Variants in RLIG1 observed in about 807,000 individuals in gnomAD.
RLIG1 encodes the protein RNA 5'-phosphate and 3'-OH ligase 1.
the RLIG1 span, chr12:88,049,666 T>C: frequency 2.2e-4 from 67 of 308,512 alleles, no homozygotes; most frequent in Admixed American, 2.3e-3. Context: ...TCATCTCTTA[T>C]AATGGGACTT....
chr12:88,048,380 T>A, the RLIG1 span: 4 of 1,577,238 alleles, frequency 2.5e-6, no homozygotes, highest in Non-Finnish European at 2.6e-6. Context: ...AAATAGATAA[T>A]CAGAAATTTG....
chr12:88,039,364 G>A, the RLIG1 span, among the ~76,000 whole-genome samples: 1 of 152,036 alleles, frequency 6.6e-6, no homozygotes, highest in Non-Finnish European at 1.5e-5. Flanking sequence ...CAGGGGGAAA[G>A]TCTCATGTAC....
the RLIG1 span, among the ~76,000 whole-genome samples, chr12:88,038,795 CTGTTA>C: frequency 6.6e-6 from 1 of 152,098 alleles, no homozygotes; most frequent in East Asian, 1.9e-4. Context: ...AGTCTGTGAT[CTGTTA>C]TGTTTAGACA....
chr12:88,042,570 A>G, the RLIG1 span: 2 of 266,220 alleles, frequency 7.5e-6, no homozygotes, highest in Non-Finnish European at 1.4e-5. Flanking sequence ...AACTCATACA[A>G]TATGACTATG....
the RLIG1 span, chr12:88,045,405 T>TA: frequency 3.4e-6 from 2 of 579,894 alleles, no homozygotes; most frequent in Admixed American, 3.3e-5. Context: ...AATGAACCCT[T>TA]ATGATTTTTT....
At chr12:88,049,295 C>T in the RLIG1 span, 1 of 1,604,648 alleles carries the variant, frequency 6.2e-7, no homozygotes, top group Non-Finnish European at 8.5e-7. Flanking sequence ...TTTTTACCTT[C>T]TCTTCTAAGA....
the RLIG1 span, chr12:88,045,831 G>A: frequency 6.9e-7 from 1 of 1,441,322 alleles, no homozygotes; most frequent in Non-Finnish European, 9.6e-7. Flanking sequence ...TTTATAAAGA[G>A]AACTTTCTAG....
At chr12:88,049,337 A>ATACTT in the RLIG1 span, 1 of 1,583,484 alleles carries the variant, frequency 6.3e-7, no homozygotes, top group South Asian at 1.2e-5. Flanking sequence ...CCTTGTAATT[A>ATACTT]TACTTAAGAT....
the RLIG1 span, chr12:88,035,886 G>C: frequency 6.6e-7 from 1 of 1,507,290 alleles, no homozygotes; most frequent in African/African-American, 1.4e-5. Flanking sequence ...GGAGGTCTGG[G>C]GTGGGAGTTC....
the RLIG1 span, among the ~76,000 whole-genome samples, chr12:88,036,383 A>C: frequency 6.6e-6 from 1 of 152,172 alleles, no homozygotes; most frequent in Non-Finnish European, 1.5e-5. Context: ...GATCAGTAGA[A>C]TCCCCAGTGA....
chr12:88,044,053 C>T, the RLIG1 span: 3 of 258,444 alleles, frequency 1.2e-5, no homozygotes, highest in Non-Finnish European at 1.5e-5. Flanking sequence ...GGGTGGATTG[C>T]TTGAGCCTAG....
At chr12:88,037,616 A>C in the RLIG1 span, among the ~76,000 whole-genome samples, 1 of 152,200 alleles carries the variant, frequency 6.6e-6, no homozygotes, top group Non-Finnish European at 1.5e-5. Flanking sequence ...TGAAACCAGC[A>C]TCATAAGTTA....
chr12:88,035,750 C>A, the RLIG1 span: 1 of 1,584,050 alleles, frequency 6.3e-7, no homozygotes, highest in Non-Finnish European at 8.6e-7. Flanking sequence ...TACGGAGGAG[C>A]GCCGGGCAGG....
the RLIG1 span, chr12:88,049,167 A>G: frequency 6.9e-7 from 1 of 1,450,556 alleles, no homozygotes; most frequent in South Asian, 1.3e-5. Flanking sequence ...AAATGAAACA[A>G]AGTTTATAGG....
the RLIG1 span, among the ~76,000 whole-genome samples, chr12:88,047,287 C>T: frequency 2.0e-5 from 3 of 152,030 alleles, no homozygotes; most frequent in Admixed American, 6.6e-5. Context: ...TCAGCATCTC[C>T]CAGACTTGAG....
chr12:88,042,803 C>A, the RLIG1 span: 13 of 1,439,132 alleles, frequency 9.0e-6, no homozygotes, highest in Non-Finnish European at 1.2e-5. Flanking sequence ...TCATACTTTT[C>A]CTTTTGTTAT....
At chr12:88,047,916 G>A in the RLIG1 span, among the ~76,000 whole-genome samples, 2 of 152,076 alleles carry the variant, frequency 1.3e-5, no homozygotes, top group African/African-American at 4.8e-5. Context: ...CAGGTAGCTA[G>A]TCTGTACTCA....
the RLIG1 span, chr12:88,036,132 A>AT: frequency 7.8e-7 from 1 of 1,276,026 alleles, no homozygotes; most frequent in African/African-American, 1.5e-5. Context: ...AAGGGTGGAT[A>AT]TTAGAAGACT....
the RLIG1 span, chr12:88,035,787 C>T: frequency 4.5e-6 from 7 of 1,555,122 alleles, no homozygotes; most frequent in African/African-American, 1.4e-5. Context: ...GGCTCCTCCC[C>T]GCGGCGCTGG....
Sources: gnomAD v4.1 joint callset for allele counts (sites outside exome capture counted in the v4.1 genomes callset) on GRCh38, gnomAD v4.1.1 for gene constraint, MANE v1.5 for transcripts, NCBI Gene and HGNC (gene_info 2026-07-23, HGNC 2026-07-21) for gene names.